CNTN4: variants seen among roughly 807,000 people sequenced by gnomAD.
CNTN4 encodes the protein contactin 4.
CNTN4 carries 77 observed loss-of-function variants against 122.5 expected under a neutral mutation model. The ratio of observed to expected loss-of-function variants is 0.63; its 90% CI spans 0.52 to 0.76. The LOEUF is 0.76. CNTN4 is among the 30% of genes least tolerant of loss of function. CNTN4 has a pLI of 0.00. For missense variants in CNTN4, 1,256 were observed against 1,259.1 expected (o/e 1.00, Z 0.04); for synonymous variants, 512 against 447.0 (o/e 1.15, Z -1.83).
intron 13 of CNTN4, among the ~76,000 whole-genome samples, chr3:2,976,727 A>T (rs1045095155): frequency 6.6e-6 from 1 of 152,230 alleles, no homozygotes; most frequent in African/African-American, 2.4e-5. Flanking sequence ...AAAATAATTA[A>T]TTCCTTCCCA....
intron 3 of CNTN4, among the ~76,000 whole-genome samples, chr3:2,473,346 C>T (rs2075746867): frequency 6.6e-6 from 1 of 152,028 alleles, no homozygotes; most frequent in Non-Finnish European, 1.5e-5. Flanking sequence ...CTGGACTCTA[C>T]CTCACTCCTT....
intron 3 of CNTN4, among the ~76,000 whole-genome samples, chr3:2,467,554 C>T (rs979555693): frequency 5.9e-5 from 9 of 152,142 alleles, no homozygotes; most frequent in Non-Finnish European, 1.0e-4. Flanking sequence ...TATTTAATGT[C>T]TCTGAGCCAC....
chr3:2,383,848 T>C lies in CNTN4; in HGVS notation c.-89+44615T>C, dbSNP rs533992280. ...CTCTCCCTATCTCACTCCATATATA[T>C]ATAAATTCTGTATACAGTTACTCCT... On this transcript the variant is annotated intron_variant, in intron 3 of 24. Coordinates refer to ENST00000418658, the MANE Select transcript of CNTN4 (RefSeq NM_175607.3). Among the ~76,000 whole-genome samples, 248 of 151,752 alleles carry C rather than the reference T, an allele frequency of 1.6e-3. 1 individual carries two copies. The highest frequency in any genetic ancestry group is 5.0e-3 in the African/African-American group (206 of 41,414).
At chr3:2,681,085 G>A (rs755555305) in intron 4 of CNTN4, among the ~76,000 whole-genome samples, 1 of 152,140 alleles carries the variant, frequency 6.6e-6, no homozygotes, top group Non-Finnish European at 1.5e-5. Flanking sequence ...TCTAATGGGG[G>A]TTGTGCCTTG....
chr3:2,322,511 G>C (rs547717482), intron 2 of CNTN4, among the ~76,000 whole-genome samples: 8 of 152,040 alleles, frequency 5.3e-5, no homozygotes, highest in Admixed American at 3.3e-4. Context: ...AAGACAGAAG[G>C]CATAATAGTG....
At chr3:2,668,086 G>T (rs1189100811) in intron 4 of CNTN4, among the ~76,000 whole-genome samples, 2 of 152,050 alleles carry the variant, frequency 1.3e-5, no homozygotes, top group Admixed American at 6.5e-5. Flanking sequence ...CTCTTTTTTG[G>T]TTCCATATGA....
Position 2,149,876 on chromosome 3 carries a change from G to A in CNTN4, c.-145+49237G>A, listed in dbSNP as rs113986641. Among the ~76,000 whole-genome samples, 169 of 151,936 alleles carry A rather than the reference G, an allele frequency of 1.1e-3. 1 individual carries two copies. Among genetic ancestry groups the A allele is most frequent in the African/African-American group, 3.9e-3 (161 of 41,454 alleles). Reference sequence around the variant, plus strand: ...CCTCATACTGACAACATAACCAGAGGCCTGACCAATGCTGGTGAAATAACC... The same window carrying A: ...CCTCATACTGACAACATAACCAGAGACCTGACCAATGCTGGTGAAATAACC... On this transcript the variant is annotated intron_variant, in intron 2 of 24. Transcript: ENST00000418658.
intron 3 of CNTN4, among the ~76,000 whole-genome samples, chr3:2,348,816 G>T (rs2044500706): frequency 6.6e-6 from 1 of 152,102 alleles, no homozygotes; most frequent in South Asian, 2.1e-4. Flanking sequence ...AGAAAAACAA[G>T]AATTAATACC....
chr3:2,226,002 G>A (rs780107594), intron 2 of CNTN4, among the ~76,000 whole-genome samples: 8 of 152,098 alleles, frequency 5.3e-5, no homozygotes, highest in Admixed American at 1.3e-4. Flanking sequence ...TTTGTAATCC[G>A]TAATGCCAAG....
chr3:2,480,819 A>G (rs943189496), intron 3 of CNTN4, among the ~76,000 whole-genome samples: 14 of 152,192 alleles, frequency 9.2e-5, no homozygotes, highest in African/African-American at 2.9e-4. Context: ...AAAGTAGTCA[A>G]TTGAATGACT....
intron 8 of CNTN4, among the ~76,000 whole-genome samples, chr3:2,875,577 C>T (rs2093834191): frequency 6.6e-6 from 1 of 152,182 alleles, no homozygotes; most frequent in African/African-American, 2.4e-5. Context: ...TTTCCAGCTA[C>T]AATGGCAGAG....
intron 4 of CNTN4, among the ~76,000 whole-genome samples, chr3:2,713,468 G>A (rs889881538): frequency 1.3e-5 from 2 of 152,164 alleles, no homozygotes; most frequent in South Asian, 2.1e-4. Flanking sequence ...GGAAATAAAC[G>A]GGGGAACTTA....
At chr3:2,513,689 G>A (rs930951939) in intron 3 of CNTN4, among the ~76,000 whole-genome samples, 2 of 152,072 alleles carry the variant, frequency 1.3e-5, no homozygotes, top group East Asian at 1.9e-4. Flanking sequence ...AGAGGTATTT[G>A]CAAGATTTGT....
intron 4 of CNTN4, among the ~76,000 whole-genome samples, chr3:2,725,059 A>T (rs9310836): frequency 0.18 from 26,829 of 152,124 alleles, 2,398 homozygotes; most frequent in South Asian, 0.23. Flanking sequence ...CTCCTATTAA[A>T]CAGAAAAATA....
chr3:2,642,863 T>G (rs2082953939), intron 4 of CNTN4, among the ~76,000 whole-genome samples: 1 of 152,220 alleles, frequency 6.6e-6, no homozygotes, highest in African/African-American at 2.4e-5. Flanking sequence ...TATTTTGTTC[T>G]GATTGTTTGG....
chr3:2,860,737 A>G (rs1012987207), intron 7 of CNTN4, among the ~76,000 whole-genome samples: 4 of 145,102 alleles, frequency 2.8e-5, no homozygotes, highest in South Asian at 2.2e-4. Context: ...GTGTCTTAGT[A>G]TAATTAAAAT....
At chr3:2,967,712 A>G (rs1348208893) in intron 13 of CNTN4, among the ~76,000 whole-genome samples, 1 of 152,106 alleles carries the variant, frequency 6.6e-6, no homozygotes, top group Non-Finnish European at 1.5e-5. Flanking sequence ...AAACTATACA[A>G]CTTACCCATG....
At chr3:2,218,268 T>G (rs1248681759) in intron 2 of CNTN4, among the ~76,000 whole-genome samples, 1 of 152,208 alleles carries the variant, frequency 6.6e-6, no homozygotes, top group East Asian at 1.9e-4. Context: ...AATTAAAAAT[T>G]AAAAAGATGT....
At chr3:2,656,653 A>C (rs2083603318) in intron 4 of CNTN4, among the ~76,000 whole-genome samples, 1 of 152,246 alleles carries the variant, frequency 6.6e-6, no homozygotes, top group Non-Finnish European at 1.5e-5. Flanking sequence ...TTGAGAGGTC[A>C]AGTCTCAAAA....
Sources: allele counts gnomAD v4.1 joint callset (sites outside exome capture counted in the v4.1 genomes callset), GRCh38; gene constraint gnomAD v4.1.1; transcripts MANE v1.5; gene names NCBI Gene and HGNC (gene_info 2026-07-23, HGNC 2026-07-21).